TP53BP1: variants seen among roughly 807,000 people sequenced by gnomAD.
TP53BP1 encodes TP53-binding protein 1.
A neutral mutation model predicts 200.8 loss-of-function variants in TP53BP1; 61 were observed. The ratio of observed to expected loss-of-function variants is 0.30; its 90% confidence interval spans 0.25 to 0.38. The LOEUF (loss-of-function observed/expected upper bound fraction) is 0.38. Ranked by LOEUF, TP53BP1 falls within the 10% of genes least tolerant of loss-of-function variation. TP53BP1 has a pLI of 1.00. For missense variants in TP53BP1, 2,144 were observed against 2,371.9 expected (o/e 0.90, Z 2.00); for synonymous variants, 822 against 844.3 (o/e 0.97, Z 0.46).
intron 10 of TP53BP1, 91 bp downstream of exon 10, chr15:43,474,582 T>A: frequency 1.2e-6 from 1 of 816,684 alleles, no homozygotes; most frequent in Non-Finnish European, 2.0e-6. Flanking sequence ...ACAAGCATTC[T>A]AAAGTACAAA....
chr15:43,489,863 GA>G (rs538471921), intron 4 of TP53BP1, among the ~76,000 whole-genome samples: 12 of 149,652 alleles, frequency 8.0e-5, no homozygotes, highest in South Asian at 2.1e-4. Context: ...TGATTTGTGA[GA>G]AAAAAAAAAT....
chr15:43,449,587 T>C (rs1055115248), intron 12 of TP53BP1, among the ~76,000 whole-genome samples: 1 of 152,182 alleles, frequency 6.6e-6, no homozygotes. Context: ...GGGACAGCAC[T>C]GCCACTACTC....
intron 11 of TP53BP1, among the ~76,000 whole-genome samples, chr15:43,464,637 C>A (rs1381727906): frequency 2.0e-5 from 3 of 152,106 alleles, no homozygotes; most frequent in Non-Finnish European, 4.4e-5. Context: ...GGCGTGGTGG[C>A]TCATGCCTGT....
chr15:43,470,147 C>T, intron 10 of TP53BP1, 81 bp from the exon 11 acceptor site: 1 of 1,133,128 alleles, frequency 8.8e-7, no homozygotes, highest in Non-Finnish European at 1.3e-6. Context: ...AGAACAATTA[C>T]ACTACAGACA....
At chr15:43,450,839 T>C (rs548595157) in intron 12 of TP53BP1, among the ~76,000 whole-genome samples, 6 of 130,470 alleles carry the variant, frequency 4.6e-5, no homozygotes, top group South Asian at 2.3e-4. Context: ...CTACTTTGTA[T>C]TGTTTGAATG....
chr15:43,406,708 A>ATAAT lies in TP53BP1; in HGVS notation c.*671_*674dup. 1 of 430,962 alleles carries ATAAT rather than the reference A, an allele frequency of 2.3e-6. No individual in the cohort carries two copies. The highest frequency in any genetic ancestry group is 4.6e-6 in the Non-Finnish European group (1 of 218,648). The allele number at this position is 430,962 out of a possible 1,614,324, so 26.7% of individuals were successfully genotyped here. ...TCCAGCTATTGTGACAATAATAATA[A>ATAAT]TAATAATATTGGGTCTTTGACTAGA... On this transcript the variant is annotated 3_prime_UTR_variant, in exon 28 of 28. Coordinates refer to ENST00000382044, the MANE Select transcript of TP53BP1 (RefSeq NM_001141980.3).
intron 24 of TP53BP1, chr15:43,412,741 C>T (rs1454643057): frequency 4.2e-6 from 2 of 472,422 alleles, no homozygotes; most frequent in Non-Finnish European, 4.4e-6. Context: ...GCATTCAGAC[C>T]TGATTGACTT....
At chr15:43,421,246 C>A in intron 19 of TP53BP1, 72 bp from the exon 20 acceptor site, 1 of 1,530,440 alleles carries the variant, frequency 6.5e-7, no homozygotes, top group Admixed American at 1.7e-5. Context: ...CTCCCCTTGG[C>A]CCTCAGACTA....
At chr15:43,453,287 G>A (rs2046215943) in intron 12 of TP53BP1, among the ~76,000 whole-genome samples, 1 of 150,158 alleles carries the variant, frequency 6.7e-6, no homozygotes, top group Admixed American at 6.6e-5. Flanking sequence ...GTCATTAGCA[G>A]TATTTAAACA....
At chr15:43,432,967 G>A (rs1239309854) in intron 16 of TP53BP1, among the ~76,000 whole-genome samples, 1 of 152,026 alleles carries the variant, frequency 6.6e-6, no homozygotes, top group Non-Finnish European at 1.5e-5. Context: ...TCTGAAACTT[G>A]ATGCAGGAAA....
chr15:43,447,152 T>G, intron 13 of TP53BP1: 1 of 557,702 alleles, frequency 1.8e-6, no homozygotes, highest in South Asian at 2.1e-5. Context: ...TTCTCTTTCT[T>G]TCTTACTTCC....
In TP53BP1 at chr15:43,428,157, CTCT is replaced by C. The variant is rs755965497; in HGVS notation, c.3684_3686del (p.Glu1229del). 4 of 1,613,540 alleles carry C rather than the reference CTCT, an allele frequency of 2.5e-6. No homozygotes were observed. Among genetic ancestry groups the C allele is most frequent in the African/African-American group, 1.3e-5 (1 of 74,982 alleles). ...CATGTGGAGGCTGAGGCATATCAAA[CTCT>C]TCTTCTCCCTGTGACAGAAAATACA... On this transcript the variant is annotated inframe_deletion, in exon 18 of 28. Transcript: ENST00000382044.
chr15:43,461,196 C>T (rs577568913), intron 11 of TP53BP1, among the ~76,000 whole-genome samples: 5 of 151,366 alleles, frequency 3.3e-5, no homozygotes, highest in African/African-American at 9.8e-5. Flanking sequence ...ATATGAAATA[C>T]CTTAAATGGT....
At chr15:43,426,237 T>C (rs689693) in intron 18 of TP53BP1, among the ~76,000 whole-genome samples, 70,309 of 151,326 alleles carry the variant, frequency 0.46, 21,316 homozygotes, top group African/African-American at 0.87. Flanking sequence ...ATCAGGAGTT[T>C]GAGACCAGCC....
rs1334691016 is a variant in TP53BP1 at position 43,477,747 on chromosome 15, C to T, written c.801G>A (p.Met267Ile). The change falls in exon 8 of 28, where the codon ATG (methionine) becomes ATA (isoleucine). Residue 267 changes from methionine to isoleucine, a missense_variant. This residue lies in a region of TP53BP1 where 1,700 missense variants were observed against 1,710.3 expected (regional missense o/e 0.99). Coordinates refer to ENST00000382044, the MANE Select transcript of TP53BP1 (RefSeq NM_001141980.3). ...CAACAGATGCTTTGGGGCTAAAAGG[C>T]ATGTCCTCTGACCTAGGAAATTCAT... is the stretch of plus-strand genomic sequence containing the variant. ...QNPPPARSED[M>I]PFSPKASVAA... 3.1e-6 allele frequency: 5 copies of T among 1,608,506 alleles called. No homozygotes were observed. The highest frequency in any genetic ancestry group is 4.2e-6 in the Non-Finnish European group (5 of 1,177,886).
At chr15:43,454,414 A>T (rs2046245056) in intron 12 of TP53BP1, among the ~76,000 whole-genome samples, 2 of 151,272 alleles carry the variant, frequency 1.3e-5, no homozygotes, top group Non-Finnish European at 2.9e-5. Flanking sequence ...CCCAGGCTGT[A>T]GTGCAATGGC....
chr15:43,489,400 C>T (rs573423849), intron 4 of TP53BP1, among the ~76,000 whole-genome samples: 43 of 152,304 alleles, frequency 2.8e-4, no homozygotes, highest in African/African-American at 1.0e-3. Context: ...GATGCTGAGC[C>T]ACAAAAACAT....
intron 13 of TP53BP1, 28 bp from the exon 14 acceptor site, chr15:43,446,618 A>G (rs900590448): frequency 1.2e-6 from 2 of 1,601,502 alleles, no homozygotes; most frequent in Admixed American, 3.4e-5. Flanking sequence ...GGGAGGAAGA[A>G]AAAAAGAACA....
At position 43,405,216 on chromosome 15, in the gene TP53BP1, A is replaced by G. The variant is rs2044828762; in HGVS notation, c.*2167T>C. ...CTCTTTTGTAGTTTCGGGATGTGAA[A>G]ATTTCTGGCTCATAAATTGAAATAA... On this transcript the variant is annotated 3_prime_UTR_variant, in exon 28 of 28. Coordinates refer to ENST00000382044, the MANE Select transcript of TP53BP1 (RefSeq NM_001141980.3). 5.6e-6 allele frequency: 9 copies of G among 1,614,126 alleles called. No individual in the cohort carries two copies. The highest frequency in any genetic ancestry group is 5.9e-6 in the Non-Finnish European group (7 of 1,179,994).
Sources: allele counts gnomAD v4.1 joint callset (sites outside exome capture counted in the v4.1 genomes callset), GRCh38; gene constraint gnomAD v4.1.1; regional missense constraint gnomAD v4.1.1; transcripts MANE v1.5; gene names NCBI Gene and HGNC (gene_info 2026-07-23, HGNC 2026-07-21).